The following NBPF6 variants were observed in gnomAD, a reference collection of about 807,000 sequenced individuals.
The protein encoded by NBPF6 is NBPF member 6, also known as NBPF family member NBPF6.
NBPF6 carries 2 observed loss-of-function variants against 20.8 expected under a neutral mutation model. That is an observed-to-expected ratio of 0.10 (90% confidence interval 0.04 to 0.30). The LOEUF is 0.30. Among genes scored for constraint, NBPF6 ranks in the 10% least tolerant of loss-of-function variants. The pLI is 1.00. For synonymous variants in NBPF6, 24 were observed against 100.0 expected (o/e 0.24, Z 4.53); for missense variants, 85 against 260.3 (o/e 0.33, Z 4.63).
the NBPF6 span, among the ~76,000 whole-genome samples, chr1:108,442,251 C>CAAACTAG: frequency 2.4e-4 from 32 of 133,582 alleles, no homozygotes; most frequent in East Asian, 3.2e-3. Context: ...AAACTCCCAA[C>CAAACTAG]AAACTAGACA....
At position 108,470,720 on chromosome 1, in the gene NBPF6, G is replaced by A. The variant is rs1653418774; in HGVS notation, c.*82G>A. The A allele has an allele frequency of 8.9e-6, 9 of 1,011,454 alleles. No individual in the cohort carries two copies. The highest frequency in any genetic ancestry group is 1.7e-5 in the African/African-American group (1 of 60,468). The allele number at this position is 1,011,454 out of a possible 1,614,324, so 62.7% of individuals were successfully genotyped here. A position where few individuals can be genotyped will look rare whatever the true frequency, so the allele number is the denominator to read the frequency against. The stretch of plus-strand genomic sequence containing the variant: ...CAAGTTTAAGTCCAAACACAATACT[G>A]CAGGGGTCCTTCACTGAGGATTGAA... On this transcript the variant is annotated 3_prime_UTR_variant, in exon 15 of 15. Coordinates refer to ENST00000495380, the MANE Select transcript of NBPF6 (RefSeq NM_001143988.2).
the NBPF6 span, among the ~76,000 whole-genome samples, chr1:108,438,310 TAGAA>T: frequency 6.4e-5 from 4 of 62,658 alleles, no homozygotes; most frequent in African/African-American, 1.6e-4. Flanking sequence ...CAAAAAATAA[TAGAA>T]AGCCTGAACA....
chr1:108,467,973 G>T (rs1653233122), intron 14 of NBPF6, among the ~76,000 whole-genome samples: 1 of 150,996 alleles, frequency 6.6e-6, no homozygotes, highest in Non-Finnish European at 1.5e-5. Context: ...CTGAACACAG[G>T]GTTGTTTGCC....
intron 9 of NBPF6, among the ~76,000 whole-genome samples, chr1:108,459,491 A>C (rs1351571081): frequency 6.6e-6 from 1 of 150,408 alleles, no homozygotes; most frequent in Admixed American, 6.7e-5. Flanking sequence ...TATACCATGC[A>C]CAATATTGAG....
At chr1:108,467,714 C>G in intron 14 of NBPF6, 49 bp downstream of exon 14, 1 of 1,546,480 alleles carries the variant, frequency 6.5e-7, no homozygotes, top group Non-Finnish European at 8.7e-7. Context: ...ATTTCTCTGT[C>G]TATGGTGACA....
At chr1:108,459,572 C>G (rs1377061630) in intron 9 of NBPF6, among the ~76,000 whole-genome samples, 11 of 133,638 alleles carry the variant, frequency 8.2e-5, no homozygotes, top group African/African-American at 3.0e-4. Context: ...TACTTGGCCA[C>G]TACACATAAA....
At chr1:108,437,219 A>AT in the NBPF6 span, among the ~76,000 whole-genome samples, 1 of 29,956 alleles carries the variant, frequency 3.3e-5, no homozygotes, top group Admixed American at 3.3e-4. Context: ...CACATCAAGT[A>AT]TTTTTTCTGA....
Position 108,470,797 on chromosome 1 carries a change from T to G in NBPF6, c.*159T>G, listed in dbSNP as rs1368577293. 5.8e-6 allele frequency: 3 copies of G among 513,410 alleles called. No homozygotes were observed. In the Middle Eastern group the frequency reaches 1.0e-3, roughly 178 times the overall value. The allele number at this position is 513,410 out of a possible 1,614,324, so 31.8% of individuals were successfully genotyped here. On this transcript the variant is annotated 3_prime_UTR_variant, in exon 15 of 15. Transcript: ENST00000495380. ...CTTCAAGCCACTATGCTCCTTTGATTTGAGAAGCCACATTCCATCCCCCTC... is the reference window on the plus strand; with the variant it reads ...CTTCAAGCCACTATGCTCCTTTGATGTGAGAAGCCACATTCCATCCCCCTC...
upstream of NBPF6, among the ~76,000 whole-genome samples, chr1:108,449,412 A>G (rs2243958): frequency 0.22 from 2,205 of 9,906 alleles, 326 homozygotes; most frequent in East Asian, 1. Context: ...CAGTGTTAGA[A>G]CAACTATATA....
At chr1:108,468,013 C>G (rs1653237853) in intron 14 of NBPF6, among the ~76,000 whole-genome samples, 1 of 151,238 alleles carries the variant, frequency 6.6e-6, no homozygotes, top group African/African-American at 2.4e-5. Context: ...GGGAAATTTA[C>G]CTTTCCTTGC....
chr1:108,469,259 A>G (rs1287095688), intron 14 of NBPF6, among the ~76,000 whole-genome samples: 1 of 151,552 alleles, frequency 6.6e-6, no homozygotes, highest in East Asian at 1.9e-4. Flanking sequence ...CATATAGTGG[A>G]ATTTAGTATT....
chr1:108,436,848 T>C, the NBPF6 span, among the ~76,000 whole-genome samples: 1 of 50,318 alleles, frequency 2.0e-5, no homozygotes, highest in South Asian at 6.5e-4. Flanking sequence ...TATATAAAAA[T>C]TAGTGTGTAC....
At chr1:108,469,472 A>G (rs968467215) in intron 14 of NBPF6, among the ~76,000 whole-genome samples, 3 of 151,226 alleles carry the variant, frequency 2.0e-5, no homozygotes, top group African/African-American at 7.3e-5. Context: ...GCTGCAAGAG[A>G]TTGTATATGA....
In NBPF6 at chr1:108,470,729, C is replaced by T. The variant is rs1017167341; in HGVS notation, c.*91C>T. 2.0e-5 allele frequency: 18 copies of T among 921,872 alleles called. No individual in the cohort carries two copies. The African/African-American group carries it at 2.9e-4, about 15-fold the overall frequency. The allele number at this position is 921,872 out of a possible 1,614,324, so 57.1% of individuals were successfully genotyped here. Reference sequence around the variant, plus strand: ...GTCCAAACACAATACTGCAGGGGTCCTTCACTGAGGATTGAATTTCAGACA... The same window carrying T: ...GTCCAAACACAATACTGCAGGGGTCTTTCACTGAGGATTGAATTTCAGACA... On this transcript the variant is annotated 3_prime_UTR_variant, in exon 15 of 15. Coordinates refer to ENST00000495380, the MANE Select transcript of NBPF6 (RefSeq NM_001143988.2).
intron 2 of NBPF6, among the ~76,000 whole-genome samples, chr1:108,451,515 TATA>T (rs1233063836): frequency 1.4e-5 from 2 of 143,248 alleles, no homozygotes; most frequent in Non-Finnish European, 3.1e-5. Flanking sequence ...CATTGAGGAC[TATA>T]ATAATACCTA....
chr1:108,448,500 C>T (rs1324446124), upstream of NBPF6, among the ~76,000 whole-genome samples: 1 of 138,072 alleles, frequency 7.2e-6, no homozygotes, highest in Non-Finnish European at 1.6e-5. Flanking sequence ...GGTCCCAATG[C>T]TGAAGGAGGG....
chr1:108,447,848 A>T (rs1461755461), upstream of NBPF6, among the ~76,000 whole-genome samples: 3 of 146,376 alleles, frequency 2.0e-5, no homozygotes, highest in Admixed American at 2.0e-4. Flanking sequence ...GATTAAAAAC[A>T]AAAGTTTGTG....
At chr1:108,436,592 CAAAAAA>C in the NBPF6 span, among the ~76,000 whole-genome samples, 1 of 16,352 alleles carries the variant, frequency 6.1e-5, no homozygotes, top group Non-Finnish European at 2.0e-4. Context: ...GGCTCTGTCT[CAAAAAA>C]AAAAAAAAAA....
chr1:108,441,759 G>C, the NBPF6 span, among the ~76,000 whole-genome samples: 1 of 47,480 alleles, frequency 2.1e-5, no homozygotes, highest in Non-Finnish European at 4.2e-5. Flanking sequence ...TGAAATCCTG[G>C]AACAGACCAT....
Sources: gnomAD v4.1 joint callset for allele counts (sites outside exome capture counted in the v4.1 genomes callset) on GRCh38, gnomAD v4.1.1 for gene constraint, MANE v1.5 for transcripts, NCBI Gene and HGNC (gene_info 2026-07-23, HGNC 2026-07-21) for gene names.